NCAM2: variants seen among roughly 807,000 people sequenced by gnomAD.
NCAM2 encodes the protein N-CAM-2.
In NCAM2, 30 loss-of-function variants were observed where a neutral mutation model predicts 98.1. The ratio of observed to expected loss-of-function variants is 0.31; its 90% CI spans 0.23 to 0.41. The LOEUF is 0.41. Ranked by LOEUF, NCAM2 falls within the 10% of genes least tolerant of loss-of-function variation. The probability of loss-of-function intolerance (pLI) is 1.00; values close to 1 mark genes in which losing one functional copy is unlikely to be tolerated. For missense variants in NCAM2, 867 were observed against 1,005.8 expected, an observed-to-expected ratio of 0.86 and a Z score of 1.87; for synonymous variants, 368 against 342.4, an observed-to-expected ratio of 1.07 and a Z score of -0.83.
intron 9 of NCAM2, among the ~76,000 whole-genome samples, chr21:21,406,851 C>CA (rs906168025): frequency 6.6e-5 from 10 of 152,006 alleles, no homozygotes; most frequent in African/African-American, 2.4e-4. Flanking sequence ...AATCCTAAGC[C>CA]AAAAAAATGC....
intron 1 of NCAM2, among the ~76,000 whole-genome samples, chr21:21,209,824 C>T (rs2069579734): frequency 6.6e-6 from 1 of 152,144 alleles, no homozygotes; most frequent in Non-Finnish European, 1.5e-5. Context: ...CCGAATCTTG[C>T]TATGTTCCCC....
At chr21:21,064,940 A>G (rs62207568) in intron 1 of NCAM2, among the ~76,000 whole-genome samples, 28,742 of 151,952 alleles carry the variant, frequency 0.19, 2,943 homozygotes, top group Non-Finnish European at 0.21. Context: ...AGCACTTTGG[A>G]AGCCTGAGGC....
intron 16 of NCAM2, among the ~76,000 whole-genome samples, chr21:21,514,196 C>A (rs1988569991): frequency 6.6e-6 from 1 of 151,052 alleles, no homozygotes; most frequent in Non-Finnish European, 1.5e-5. Context: ...CATATAACCT[C>A]TTTTCTTATT....
At chr21:21,238,199 C>G (rs1348955540) in intron 1 of NCAM2, among the ~76,000 whole-genome samples, 1 of 152,038 alleles carries the variant, frequency 6.6e-6, no homozygotes. Flanking sequence ...TCAGGTGATA[C>G]GCCCATCTCG....
intron 4 of NCAM2, among the ~76,000 whole-genome samples, chr21:21,286,704 A>G (rs1474136104): frequency 6.6e-6 from 1 of 151,856 alleles, no homozygotes. Flanking sequence ...AAAAAAATAT[A>G]CAATCATTAG....
intron 8 of NCAM2, among the ~76,000 whole-genome samples, chr21:21,341,088 C>T (rs2075019054): frequency 3.9e-5 from 6 of 151,944 alleles, no homozygotes; most frequent in Admixed American, 3.9e-4. Context: ...ACAGTATGGC[C>T]TCACATAATA....
intron 16 of NCAM2, among the ~76,000 whole-genome samples, chr21:21,513,781 T>C (rs1210394919): frequency 1.3e-5 from 2 of 152,160 alleles, no homozygotes. Flanking sequence ...TGTCCAATGC[T>C]GAAAGATGGG....
chr21:21,426,518 A>G (rs769500294), intron 11 of NCAM2, among the ~76,000 whole-genome samples: 2 of 152,194 alleles, frequency 1.3e-5, no homozygotes, highest in African/African-American at 2.4e-5. Flanking sequence ...AGCCACCAAT[A>G]TTCTACCTTC....
At chr21:21,205,724 T>C (rs2069413415) in intron 1 of NCAM2, among the ~76,000 whole-genome samples, 1 of 152,262 alleles carries the variant, frequency 6.6e-6, no homozygotes, top group African/African-American at 2.4e-5. Flanking sequence ...TACCATAGAC[T>C]GAGGTAGCCT....
intron 12 of NCAM2, among the ~76,000 whole-genome samples, chr21:21,457,679 A>G (rs1051264112): frequency 6.6e-6 from 1 of 151,642 alleles, no homozygotes; most frequent in East Asian, 1.9e-4. Flanking sequence ...CAGGTACACT[A>G]TGTTAGTATG....
intron 5 of NCAM2, among the ~76,000 whole-genome samples, chr21:21,293,827 G>A (rs1344764424): frequency 6.6e-6 from 1 of 151,478 alleles, no homozygotes; most frequent in Non-Finnish European, 1.5e-5. Context: ...ATTTCATCAT[G>A]AGCAGTCTTT....
chr21:21,255,177 G>C (rs2071622706), intron 1 of NCAM2, among the ~76,000 whole-genome samples: 1 of 152,088 alleles, frequency 6.6e-6, no homozygotes, highest in Non-Finnish European at 1.5e-5. Flanking sequence ...TGTCTTGTAG[G>C]ACTGTCTGTG....
chr21:21,088,293 G>T (rs890662460), intron 1 of NCAM2, among the ~76,000 whole-genome samples: 1 of 152,072 alleles, frequency 6.6e-6, no homozygotes, highest in Non-Finnish European at 1.5e-5. Flanking sequence ...CAGATATTAG[G>T]TTATGCCATA....
intron 1 of NCAM2, among the ~76,000 whole-genome samples, chr21:21,078,375 A>G (rs982808279): frequency 6.6e-6 from 1 of 152,222 alleles, no homozygotes; most frequent in Admixed American, 6.5e-5. Flanking sequence ...AATATTCACA[A>G]ACACCTCTTT....
In NCAM2 at chr21:21,410,440, A is replaced by T; in HGVS notation, c.1362A>T (p.Thr454=). ...KNTTNLKTYS[T]GRKMILEIAP... ...CGACCAATTTAAAGACTTATAGTAC[A>T]GGAAGAAAGATGATATTAGAGGTAA... The change falls in exon 10 of 18, where the codon ACA becomes ACT. Residue 454 remains threonine (T), a synonymous_variant. Coordinates refer to ENST00000400546, the MANE Select transcript of NCAM2 (RefSeq NM_004540.5). 1 of 1,561,266 alleles carries T rather than the reference A, an allele frequency of 6.4e-7. No individual in the cohort carries two copies. Among genetic ancestry groups the T allele is most frequent in the Non-Finnish European group, 8.7e-7 (1 of 1,154,800 alleles).
intron 9 of NCAM2, among the ~76,000 whole-genome samples, chr21:21,406,824 G>A (rs895638848): frequency 1.3e-5 from 2 of 152,112 alleles, no homozygotes; most frequent in Non-Finnish European, 2.9e-5. Flanking sequence ...CATGTAGTCA[G>A]GAATTAATTG....
At chr21:21,443,612 A>C (rs1288006561) in intron 12 of NCAM2, among the ~76,000 whole-genome samples, 1 of 152,118 alleles carries the variant, frequency 6.6e-6, no homozygotes, top group Non-Finnish European at 1.5e-5. Flanking sequence ...GTAGCATACC[A>C]GATATGAAGC....
chr21:21,304,168 T>A (rs2073811326), intron 5 of NCAM2, among the ~76,000 whole-genome samples: 1 of 152,128 alleles, frequency 6.6e-6, no homozygotes, highest in South Asian at 2.1e-4. Context: ...AATCTACGAA[T>A]GTATTGTGTA....
At chr21:21,213,074 T>C (rs1315522794) in intron 1 of NCAM2, among the ~76,000 whole-genome samples, 1 of 152,178 alleles carries the variant, frequency 6.6e-6, no homozygotes, top group East Asian at 1.9e-4. Context: ...CACTAACTAG[T>C]TGTCCCCCAA....
Sources: allele counts gnomAD v4.1 joint callset (sites outside exome capture counted in the v4.1 genomes callset), GRCh38; gene constraint gnomAD v4.1.1; transcripts MANE v1.5; gene names NCBI Gene and HGNC (gene_info 2026-07-23, HGNC 2026-07-21).